Variants in EPHB2 observed in about 807,000 individuals in gnomAD.
The protein encoded by EPHB2 is EPH receptor B2, also known as ephrin type-B receptor 2.
A neutral mutation model predicts 96.4 loss-of-function variants in EPHB2; 18 were observed. That is an observed-to-expected ratio of 0.19 (90% CI 0.13 to 0.28). The LOEUF (loss-of-function observed/expected upper bound fraction) is 0.28, where lower values mean the gene tolerates loss of function less well. Among genes scored for constraint, EPHB2 ranks in the 10% least tolerant of loss-of-function variants. EPHB2 has a pLI of 1.00. For synonymous variants in EPHB2, 506 were observed against 534.1 expected (o/e 0.95, Z 0.72); for missense variants, 989 against 1,355.4 (o/e 0.73, Z 4.25).
chr1:22,883,868 C>T (rs1344066129), intron 6 of EPHB2, among the ~76,000 whole-genome samples: 1 of 152,180 alleles, frequency 6.6e-6, no homozygotes, highest in Non-Finnish European at 1.5e-5. Flanking sequence ...AGGCCTGGCA[C>T]CAAGGAGACA....
intron 1 of EPHB2, among the ~76,000 whole-genome samples, chr1:22,777,225 G>C (rs1208586358): frequency 6.6e-6 from 1 of 152,200 alleles, no homozygotes; most frequent in Non-Finnish European, 1.5e-5. Flanking sequence ...GAGACGGCCA[G>C]TCTCTCCACC....
intron 3 of EPHB2, among the ~76,000 whole-genome samples, chr1:22,862,316 T>C (rs1638289079): frequency 6.6e-6 from 1 of 152,260 alleles, no homozygotes; most frequent in South Asian, 2.1e-4. Flanking sequence ...GGCCCGCCTT[T>C]TATTAATATT....
At position 22,915,131 on chromosome 1, in the gene EPHB2, C is replaced by A. The variant is rs1207975890; in HGVS notation, c.*1561C>A. 6.6e-6 allele frequency: 1 copy of A among 152,514 alleles called. No homozygotes were observed. Among genetic ancestry groups the A allele is most frequent in the African/African-American group, 2.4e-5 (1 of 41,414 alleles). The allele number at this position is 152,514 out of a possible 1,614,324, so 9.4% of individuals were successfully genotyped here. A position where few individuals can be genotyped will look rare whatever the true frequency, so the allele number is the denominator to read the frequency against. ...CACGGGCAAGCATGCCTCTTCCCTT[C>A]CCTGGAGAGAAAGTGTGTGATTTCT... On this transcript the variant is annotated 3_prime_UTR_variant, in exon 16 of 16. Transcript: ENST00000374630.
At chr1:22,841,452 A>G (rs1477339206) in intron 3 of EPHB2, among the ~76,000 whole-genome samples, 1 of 152,120 alleles carries the variant, frequency 6.6e-6, no homozygotes, top group Non-Finnish European at 1.5e-5. Flanking sequence ...ACTCCAAGCC[A>G]GTGGGGACCT....
In EPHB2 at chr1:22,906,353, G is replaced by A. The variant is rs544877623; in HGVS notation, c.1888+244G>A. On this transcript the variant is annotated intron_variant, in intron 10 of 15. Coordinates refer to ENST00000374630, the MANE Select transcript of EPHB2 (RefSeq NM_017449.5). The surrounding 1 kb of genome is among the most constrained non-coding windows in gnomAD (Gnocchi z 4.8). The stretch of plus-strand genomic sequence containing the variant: ...GAGGGGACATGCACAGTGAGTCAGA[G>A]ATTGAGCTGGGTCTGGAGCCCAGTT... 2.0e-5 allele frequency among the ~76,000 whole-genome samples: 3 copies of A among 152,298 alleles called. No individual in the cohort carries two copies. The highest frequency in any genetic ancestry group is 4.1e-4 in the South Asian group (2 of 4,828).
chr1:22,881,849 T>A (rs767304973), intron 5 of EPHB2, among the ~76,000 whole-genome samples: 26 of 152,058 alleles, frequency 1.7e-4, no homozygotes, highest in Non-Finnish European at 3.1e-4. Flanking sequence ...CACCTCAGCC[T>A]CCCAAAGTGC....
chr1:22,835,037 A>G (rs996075817), intron 3 of EPHB2, among the ~76,000 whole-genome samples: 43 of 152,170 alleles, frequency 2.8e-4, no homozygotes, highest in African/African-American at 1.0e-3. Flanking sequence ...TGACATAGAG[A>G]ATGATAAGAA....
At position 22,913,300 on chromosome 1, in the gene EPHB2, G is replaced by A. The variant is rs980457611; in HGVS notation, c.2853-162G>A. 1.5e-4 allele frequency: 128 copies of A among 866,710 alleles called. 1 individual carries two copies. In the East Asian group the frequency reaches 3.3e-3, roughly 22 times the overall value. 53.7% of individuals were successfully genotyped at this position (866,710 alleles called of 1,614,324 possible). ...AAGTGCTCTTCCACCTCACACCATA[G>A]TCGCTCCCTCCAGCTGTGGCTGCCT... is the stretch of plus-strand genomic sequence containing the variant. On this transcript the variant is annotated intron_variant, in intron 15 of 15. Transcript: ENST00000374630. This position sits in a 1 kb window ranked among gnomAD's most constrained non-coding sequence, Gnocchi z 4.1.
intron 9 of EPHB2, among the ~76,000 whole-genome samples, chr1:22,900,852 G>C (rs905910760): frequency 4.6e-5 from 7 of 152,206 alleles, no homozygotes; most frequent in African/African-American, 1.7e-4. Context: ...GGTCAGGACA[G>C]AGGAGGAAGC....
At chr1:22,815,203 T>G (rs55880172) in intron 3 of EPHB2, among the ~76,000 whole-genome samples, 104,001 of 151,876 alleles carry the variant, frequency 0.68, 37,946 homozygotes, top group East Asian at 0.82. Flanking sequence ...CCTGGGTAAA[T>G]GTGAGCCTTC....
intron 1 of EPHB2, among the ~76,000 whole-genome samples, chr1:22,739,081 C>T (rs1047902616): frequency 6.6e-6 from 1 of 152,052 alleles, no homozygotes; most frequent in Non-Finnish European, 1.5e-5. Context: ...GCTTTATCAC[C>T]CAGGCTGGAA....
Position 22,882,394 on chromosome 1 carries a change from C to T in EPHB2, c.1339C>T (p.Arg447Cys), listed in dbSNP as rs199940448. 62 of 1,614,048 alleles carry T rather than the reference C, an allele frequency of 3.8e-5. No homozygotes were observed. Among genetic ancestry groups the T allele is most frequent in the Middle Eastern group, 1.6e-4 (1 of 6,072 alleles). The change falls in exon 6 of 16, where the codon CGC becomes TGC. Residue 447 changes from arginine (R) to cysteine (C), a missense_variant. Transcript: ENST00000374630. Reference protein sequence around the residue: ...SAVSIMHQVSRTVDSITLSWS... With the variant: ...SAVSIMHQVSCTVDSITLSWS... ...AGTGTCCATCATGCATCAGGTGAGCCGCACCGTGGACAGCATTACCCTGTC... is the reference window on the plus strand; with the variant it reads ...AGTGTCCATCATGCATCAGGTGAGCTGCACCGTGGACAGCATTACCCTGTC...
At chr1:22,722,231 A>G (rs1643484152) in intron 1 of EPHB2, among the ~76,000 whole-genome samples, 1 of 152,056 alleles carries the variant, frequency 6.6e-6, no homozygotes, top group Admixed American at 6.6e-5. Flanking sequence ...TCCTGGCCTC[A>G]AGTGATCCAC....
At chr1:22,828,952 G>A (rs886644026) in intron 3 of EPHB2, among the ~76,000 whole-genome samples, 7 of 152,186 alleles carry the variant, frequency 4.6e-5, no homozygotes, top group Non-Finnish European at 4.4e-5. Flanking sequence ...AAACACACAC[G>A]CATAGAATAT....
chr1:22,909,782 C>G (rs1640034231), intron 13 of EPHB2, among the ~76,000 whole-genome samples: 1 of 152,154 alleles, frequency 6.6e-6, no homozygotes, highest in East Asian at 1.9e-4. Context: ...ACTTCTTACA[C>G]AGGGAGGGTG....
intron 3 of EPHB2, 43 bp downstream of exon 3, chr1:22,785,119 A>G (rs1385314563): frequency 6.8e-6 from 11 of 1,610,366 alleles, no homozygotes; most frequent in Non-Finnish European, 9.3e-6. Flanking sequence ...AATGCATAGA[A>G]CTGGTCTTGG....
chr1:22,720,653 A>T (rs1643431685), intron 1 of EPHB2, among the ~76,000 whole-genome samples: 1 of 118,160 alleles, frequency 8.5e-6, no homozygotes, highest in Non-Finnish European at 1.7e-5. Flanking sequence ...GAAGCCAGAA[A>T]TCTCATTCCC....
intron 1 of EPHB2, among the ~76,000 whole-genome samples, chr1:22,775,591 T>C (rs1198042105): frequency 6.6e-6 from 1 of 152,236 alleles, no homozygotes; most frequent in Non-Finnish European, 1.5e-5. Flanking sequence ...ACGACTTCAG[T>C]GTGTCTCCCC....
At chr1:22,748,843 G>A (rs1440152128) in intron 1 of EPHB2, among the ~76,000 whole-genome samples, 1 of 145,714 alleles carries the variant, frequency 6.9e-6, no homozygotes, top group Non-Finnish European at 1.5e-5. Context: ...TGGTGCAAAA[G>A]TAATTGTGGT....
Sources: allele counts gnomAD v4.1 joint callset (sites outside exome capture counted in the v4.1 genomes callset), GRCh38; gene constraint gnomAD v4.1.1; non-coding constraint Gnocchi (gnomAD v3.1); transcripts MANE v1.5; gene names NCBI Gene and HGNC (gene_info 2026-07-23, HGNC 2026-07-21).